Variants in CNTNAP5 observed in about 807,000 individuals in gnomAD.
CNTNAP5 encodes the protein contactin associated protein family member 5.
Under a neutral mutation model 150.2 loss-of-function variants are expected in CNTNAP5, and 72 were observed. The observed-to-expected ratio is 0.48, with a 90% CI of 0.40 to 0.58. The LOEUF is 0.58. CNTNAP5 is among the 20% of genes least tolerant of loss of function. CNTNAP5 has a pLI of 0.00. For synonymous variants in CNTNAP5, 672 were observed against 619.8 expected, an observed-to-expected ratio of 1.08 and a Z score of -1.25; for missense variants, 1,636 against 1,626.2, an observed-to-expected ratio of 1.01 and a Z score of -0.10.
intron 1 of CNTNAP5, among the ~76,000 whole-genome samples, chr2:124,101,208 C>T (rs1347062908): frequency 6.6e-6 from 1 of 152,112 alleles, no homozygotes; most frequent in Admixed American, 6.5e-5. Context: ...ATGTAGATGG[C>T]TTTATGTGAT....
intron 19 of CNTNAP5, among the ~76,000 whole-genome samples, chr2:124,843,109 C>T (rs1682977031): frequency 6.6e-6 from 1 of 152,034 alleles, no homozygotes; most frequent in Non-Finnish European, 1.5e-5. Context: ...TATGCCTTTG[C>T]ATCATCATAG....
intron 1 of CNTNAP5, among the ~76,000 whole-genome samples, chr2:124,129,677 C>T (rs1465925123): frequency 1.3e-5 from 2 of 152,116 alleles, no homozygotes; most frequent in African/African-American, 2.4e-5. Flanking sequence ...ACATAATAGG[C>T]ACATCTTGCC....
intron 1 of CNTNAP5, among the ~76,000 whole-genome samples, chr2:124,165,025 G>A (rs1427451165): frequency 1.3e-5 from 2 of 152,170 alleles, no homozygotes; most frequent in Non-Finnish European, 2.9e-5. Flanking sequence ...TCCTCAGGTT[G>A]TAATCTATCT....
At chr2:124,195,719 A>G (rs1313808265) in intron 1 of CNTNAP5, among the ~76,000 whole-genome samples, 2 of 152,202 alleles carry the variant, frequency 1.3e-5, no homozygotes, top group Non-Finnish European at 2.9e-5. Flanking sequence ...AGGGGAATGG[A>G]GTGATCAAAC....
intron 2 of CNTNAP5, among the ~76,000 whole-genome samples, chr2:124,227,948 A>G (rs565304153): frequency 5.9e-5 from 9 of 152,154 alleles, no homozygotes; most frequent in African/African-American, 2.2e-4. Flanking sequence ...ACACACACAC[A>G]TATACACATA....
intron 3 of CNTNAP5, among the ~76,000 whole-genome samples, chr2:124,400,709 T>A (rs1691399969): frequency 7.3e-6 from 1 of 137,898 alleles, no homozygotes; most frequent in South Asian, 2.3e-4. Flanking sequence ...TTTAGTGGAA[T>A]GTGAAAAGTG....
At chr2:124,447,239 A>G (rs1357262426) in intron 6 of CNTNAP5, among the ~76,000 whole-genome samples, 2 of 151,206 alleles carry the variant, frequency 1.3e-5, no homozygotes, top group Non-Finnish European at 2.9e-5. Flanking sequence ...TGCCTAGTCT[A>G]TTGGTTATGT....
chr2:124,787,089 T>C (rs569130160), intron 17 of CNTNAP5, among the ~76,000 whole-genome samples: 1 of 152,292 alleles, frequency 6.6e-6, no homozygotes, highest in South Asian at 2.1e-4. Context: ...CCAGTCATCT[T>C]CTTCTCCATT....
At chr2:124,658,595 T>A (rs1678507875) in intron 13 of CNTNAP5, among the ~76,000 whole-genome samples, 1 of 152,154 alleles carries the variant, frequency 6.6e-6, no homozygotes, top group Admixed American at 6.5e-5. Context: ...ATACACCTAC[T>A]CTCCTCAGAA....
At chr2:124,871,653 G>T (rs957982398) in intron 21 of CNTNAP5, among the ~76,000 whole-genome samples, 4 of 152,142 alleles carry the variant, frequency 2.6e-5, no homozygotes, top group Non-Finnish European at 5.9e-5. Flanking sequence ...CTACCAAGAA[G>T]TCCGCTGTCC....
chr2:124,807,880 AGTGCTAAAACACC>A (rs1682114529), intron 19 of CNTNAP5, among the ~76,000 whole-genome samples: 1 of 152,178 alleles, frequency 6.6e-6, no homozygotes, highest in Admixed American at 6.5e-5. Context: ...ATATATCAGG[AGTGCTAAAACACC>A]ACTGGAAGAT....
At chr2:124,588,153 T>TTC (rs1558965972) in intron 11 of CNTNAP5, among the ~76,000 whole-genome samples, 1 of 98,728 alleles carries the variant, frequency 1.0e-5, no homozygotes, top group Non-Finnish European at 2.1e-5. Context: ...CTTCCTTCCT[T>TTC]CCTTTTCCTT....
intron 11 of CNTNAP5, among the ~76,000 whole-genome samples, chr2:124,592,672 T>A (rs1300806946): frequency 1.3e-5 from 2 of 152,088 alleles, no homozygotes; most frequent in African/African-American, 2.4e-5. Context: ...ATAATATAAC[T>A]AATATTCTCA....
intron 1 of CNTNAP5, among the ~76,000 whole-genome samples, chr2:124,101,589 A>T (rs1438106914): frequency 6.6e-6 from 1 of 152,192 alleles, no homozygotes; most frequent in Non-Finnish European, 1.5e-5. Flanking sequence ...TTAACACATG[A>T]CTTGGCCCAG....
chr2:124,618,674 G>T (rs757457988), intron 12 of CNTNAP5, among the ~76,000 whole-genome samples: 2 of 152,128 alleles, frequency 1.3e-5, no homozygotes, highest in Non-Finnish European at 2.9e-5. Context: ...GCCTTCCTGC[G>T]CACAGAGAAG....
chr2:124,223,456 A>G (rs1361209998), intron 2 of CNTNAP5, among the ~76,000 whole-genome samples: 1 of 152,074 alleles, frequency 6.6e-6, no homozygotes. Context: ...CATATCCAAA[A>G]TATCTTTCTT....
At chr2:124,036,859 A>G (rs1211428498) in intron 1 of CNTNAP5, among the ~76,000 whole-genome samples, 2 of 152,210 alleles carry the variant, frequency 1.3e-5, no homozygotes, top group Non-Finnish European at 2.9e-5. Flanking sequence ...AGGTGGTCAC[A>G]CTGGGATTTT....
chr2:124,633,834 C>A (rs987979230), intron 12 of CNTNAP5, among the ~76,000 whole-genome samples: 4 of 152,196 alleles, frequency 2.6e-5, no homozygotes, highest in Non-Finnish European at 5.9e-5. Flanking sequence ...CTTAACACCA[C>A]CTGGAAACCA....
At chr2:124,037,819 G>A (rs56958591) in intron 1 of CNTNAP5, among the ~76,000 whole-genome samples, 18,136 of 152,104 alleles carry the variant, frequency 0.12, 1,155 homozygotes, top group South Asian at 0.24. Context: ...ATTGCTGAGA[G>A]TAAGATTTAA....
Sources: allele counts gnomAD v4.1 joint callset (sites outside exome capture counted in the v4.1 genomes callset), GRCh38; gene constraint gnomAD v4.1.1; transcripts MANE v1.5; gene names NCBI Gene and HGNC (gene_info 2026-07-23, HGNC 2026-07-21).